The following VWDE variants were observed in gnomAD, a reference collection of about 807,000 sequenced individuals.
VWDE encodes the protein von Willebrand factor D and EGF domain-containing protein.
A neutral mutation model predicts 178.4 loss-of-function variants in VWDE; 207 were observed. That is an observed-to-expected ratio of 1.16 (90% confidence interval 1.04 to 1.30). The LOEUF (loss-of-function observed/expected upper bound fraction) is 1.30. Ranked by LOEUF, VWDE falls within the 50% of genes most tolerant of loss-of-function variation. VWDE has a pLI of 0.00. For synonymous variants in VWDE, 738 were observed against 651.4 expected, an observed-to-expected ratio of 1.13 and a Z score of -2.02; for missense variants, 2,287 against 1,901.3, an observed-to-expected ratio of 1.20 and a Z score of -3.77.
chr7:12,347,703 C>A (rs1303014232), intron 19 of VWDE, among the ~76,000 whole-genome samples: 1 of 151,962 alleles, frequency 6.6e-6, no homozygotes, highest in Non-Finnish European at 1.5e-5. Flanking sequence ...CGACTTTCTT[C>A]ACAGAATTGG....
intron 24 of VWDE, among the ~76,000 whole-genome samples, chr7:12,337,629 C>A (rs1781116619): frequency 6.6e-6 from 1 of 151,954 alleles, no homozygotes; most frequent in South Asian, 2.1e-4. Flanking sequence ...TAAGAATGTG[C>A]CTGTTCTTGT....
chr7:12,359,761 G>A (rs958071368), intron 15 of VWDE, 69 bp from the exon 16 acceptor site: 14 of 940,250 alleles, frequency 1.5e-5, no homozygotes, highest in South Asian at 1.3e-4. Context: ...TACATAGAAG[G>A]ATGGCAGTGT....
intron 2 of VWDE, among the ~76,000 whole-genome samples, chr7:12,389,895 G>A (rs1286978730): frequency 6.6e-6 from 1 of 152,198 alleles, no homozygotes; most frequent in Non-Finnish European, 1.5e-5. Flanking sequence ...GGGTGCGGTG[G>A]CGCATGCCTG....
intron 19 of VWDE, among the ~76,000 whole-genome samples, chr7:12,347,618 G>T (rs1446571087): frequency 6.6e-6 from 1 of 151,168 alleles, no homozygotes; most frequent in Non-Finnish European, 1.5e-5. Flanking sequence ...TAAAATATAT[G>T]ATATTTAATC....
Position 12,369,454 on chromosome 7 carries a change from C to T in VWDE, c.2761+91G>A, listed in dbSNP as rs1039134863. On this transcript the variant is annotated intron_variant, in intron 12 of 28. Transcript: ENST00000275358. ...TTTCTCTATAAAATCTGAATAAACA[C>T]TGTTAGGATACTGAGGGTGAAATAA... 156 of 1,395,532 alleles carry T rather than the reference C, an allele frequency of 1.1e-4. No homozygotes were observed. The South Asian group carries it at 2.2e-3, about 20-fold the overall frequency. 86.4% of individuals were successfully genotyped at this position (1,395,532 alleles called of 1,614,324 possible).
At chr7:12,396,623 G>A (rs1479616657) in intron 1 of VWDE, among the ~76,000 whole-genome samples, 1 of 152,132 alleles carries the variant, frequency 6.6e-6, no homozygotes, top group East Asian at 1.9e-4. Flanking sequence ...AGAATCCATT[G>A]TCTGCCAGAT....
chr7:12,376,863 T>C (rs564322147), intron 7 of VWDE, among the ~76,000 whole-genome samples: 2 of 152,182 alleles, frequency 1.3e-5, no homozygotes, highest in Admixed American at 1.3e-4. Context: ...ATCTCTTTTC[T>C]TGAGTGCATC....
chr7:12,379,619 G>T, intron 5 of VWDE, 53 bp from the exon 6 acceptor site: 1 of 1,303,142 alleles, frequency 7.7e-7, no homozygotes, highest in Non-Finnish European at 1.0e-6. Context: ...TGGAGAAAAC[G>T]TGTAAATTAT....
intron 1 of VWDE, among the ~76,000 whole-genome samples, chr7:12,395,246 T>C (rs2128563271): frequency 6.6e-6 from 1 of 152,278 alleles, no homozygotes; most frequent in East Asian, 1.9e-4. Flanking sequence ...TATCATTTCA[T>C]CTAATTTTAG....
intron 19 of VWDE, among the ~76,000 whole-genome samples, chr7:12,348,528 AC>A (rs1225468105): frequency 2.6e-5 from 4 of 150,958 alleles, no homozygotes; most frequent in African/African-American, 4.9e-5. Flanking sequence ...ACAGTGAGAT[AC>A]CATCTCACAC....
At chr7:12,347,597 G>T (rs1306840679) in intron 19 of VWDE, among the ~76,000 whole-genome samples, 1 of 151,606 alleles carries the variant, frequency 6.6e-6, no homozygotes, top group Non-Finnish European at 1.5e-5. Flanking sequence ...CAACATATAA[G>T]GGACTTTAAA....
chr7:12,362,146 C>G (rs1227599615), intron 13 of VWDE, among the ~76,000 whole-genome samples: 1 of 151,734 alleles, frequency 6.6e-6, no homozygotes, highest in African/African-American at 2.4e-5. Context: ...CATTTTTTCA[C>G]TATGGAGAGA....
chr7:12,367,608 C>T, intron 12 of VWDE, 115 bp from the exon 13 acceptor site: 1 of 873,478 alleles, frequency 1.1e-6, no homozygotes, highest in Non-Finnish European at 1.7e-6. Context: ...TTAAAGTATA[C>T]CTAAAATGCT....
rs1294044803 is a variant in VWDE, at chr7:12,403,701, A to G, written c.16T>C (p.Cys6Arg). The change falls in exon 1 of 29, where the codon TGC (cysteine) becomes CGC (arginine). Residue 6 changes from cysteine to arginine, a missense_variant. By Grantham distance (180) the Cys-to-Arg change is radical (BLOSUM62 -3). Coordinates refer to ENST00000275358, the MANE Select transcript of VWDE (RefSeq NM_001135924.3). ...AACATCAGCGCGATCACCAGCACGCAGGCTCCGCCAGGCATCGCTGCTTCC... is the reference window on the plus strand; with the variant it reads ...AACATCAGCGCGATCACCAGCACGCGGGCTCCGCCAGGCATCGCTGCTTCC... The part of the protein sequence containing the change: MPGGA[C>R]VLVIALMFLA... The G allele has an allele frequency of 6.5e-7, 1 of 1,549,436 alleles. No individual in the cohort carries two copies. The highest frequency in any genetic ancestry group is 2.4e-5 in the East Asian group (1 of 40,886).
chr7:12,351,360 G>C (rs962048484), intron 19 of VWDE, among the ~76,000 whole-genome samples: 1 of 152,066 alleles, frequency 6.6e-6, no homozygotes, highest in Non-Finnish European at 1.5e-5. Context: ...ATGATGCTTT[G>C]TTCATTAGAG....
At chr7:12,338,163 A>C (rs1038258773) in intron 24 of VWDE, among the ~76,000 whole-genome samples, 4 of 151,900 alleles carry the variant, frequency 2.6e-5, no homozygotes, top group Non-Finnish European at 5.9e-5. Flanking sequence ...GAAAAATTCT[A>C]CTGTTTTCAA....
At chr7:12,360,443 A>G (rs1250508159) in intron 15 of VWDE, among the ~76,000 whole-genome samples, 1 of 152,158 alleles carries the variant, frequency 6.6e-6, no homozygotes, top group Non-Finnish European at 1.5e-5. Flanking sequence ...AAATCAAACA[A>G]TCTCTCAAAA....
rs1238547893 is a variant in VWDE, at chr7:12,336,973, G to C, written c.4558+15C>G. 79 of 1,543,162 alleles carry C rather than the reference G, an allele frequency of 5.1e-5. No homozygotes were observed. Among genetic ancestry groups the C allele is most frequent in the Non-Finnish European group, 6.8e-5 (78 of 1,142,628 alleles). The stretch of plus-strand genomic sequence containing the variant: ...AAGGACGAAAGCTTCAGTGTTTTAA[G>C]AGTATTCCTCTTACGTGTGTTGCAT... On this transcript the variant is annotated intron_variant, in intron 26 of 28. Coordinates refer to ENST00000275358, the MANE Select transcript of VWDE (RefSeq NM_001135924.3).
rs1333395265 is a variant in VWDE at position 12,370,452 on chromosome 7, T to G, written c.1854A>C (p.Gly618=). Residue 618 remains glycine (G), a synonymous_variant, in exon 12 of 29, where the codon GGA becomes GGC. Coordinates refer to ENST00000275358, the MANE Select transcript of VWDE (RefSeq NM_001135924.3). The part of the protein sequence containing the change: ...DTLPVSMTSP[G]KPSYCSCSLD... ...ATGAACAGCTACAATAGGATGGCTT[T>G]CCAGGTGATGTCATAGAAACTGGCA... 1 of 1,543,172 alleles carries G rather than the reference T, an allele frequency of 6.5e-7. No individual in the cohort carries two copies. The highest frequency in any genetic ancestry group is 2.4e-5 in the East Asian group (1 of 40,888).
Sources: gnomAD v4.1 joint callset for allele counts (sites outside exome capture counted in the v4.1 genomes callset) on GRCh38, gnomAD v4.1.1 for gene constraint, MANE v1.5 for transcripts, NCBI Gene and HGNC (gene_info 2026-07-23, HGNC 2026-07-21) for gene names.